Variants in ARHGEF10 observed in about 807,000 individuals in gnomAD.
The protein encoded by ARHGEF10 is Rho guanine nucleotide exchange factor (GEF) 10.
A neutral mutation model predicts 147.4 loss-of-function variants in ARHGEF10; 140 were observed. The ratio of observed to expected loss-of-function variants is 0.95; its 90% CI spans 0.83 to 1.09. ARHGEF10 has a LOEUF of 1.09. ARHGEF10 is among the 50% of genes least tolerant of loss of function. ARHGEF10 has a pLI of 0.00. For missense variants in ARHGEF10, 2,222 were observed against 1,752.7 expected, an observed-to-expected ratio of 1.27 and a Z score of -4.78; for synonymous variants, 902 against 695.8, an observed-to-expected ratio of 1.30 and a Z score of -4.67.
chr8:1,871,965 G>A (rs752291767), intron 7 of ARHGEF10, among the ~76,000 whole-genome samples: 1 of 152,002 alleles, frequency 6.6e-6, no homozygotes. Flanking sequence ...GCAACATAAA[G>A]TATTAACAAA....
At position 1,896,322 on chromosome 8, in the gene ARHGEF10, C is replaced by T. The variant is rs1337617234; in HGVS notation, c.1441-11C>T. Reference sequence around the variant, plus strand: ...CTGTGATTTCTCTCTGAATTTCCTCCTGTGTTTCAGTTTTCTAAGTCCATG... The same window carrying T: ...CTGTGATTTCTCTCTGAATTTCCTCTTGTGTTTCAGTTTTCTAAGTCCATG... On this transcript the variant is annotated splice_polypyrimidine_tract_variant and intron_variant, in intron 13 of 28. Transcript: ENST00000349830. The T allele has an allele frequency of 3.8e-6, 6 of 1,589,238 alleles. No individual in the cohort carries two copies. Among genetic ancestry groups the T allele is most frequent in the African/African-American group, 1.3e-5 (1 of 74,422 alleles).
At chr8:1,922,591 C>A (rs562789816) in intron 18 of ARHGEF10, among the ~76,000 whole-genome samples, 1 of 152,080 alleles carries the variant, frequency 6.6e-6, no homozygotes, top group Non-Finnish European at 1.5e-5. Context: ...GAATCCGGGA[C>A]TAGGAAATGA....
chr8:1,875,550 C>T (rs7841942), intron 7 of ARHGEF10, among the ~76,000 whole-genome samples: 94,697 of 152,102 alleles, frequency 0.62, 30,128 homozygotes, highest in East Asian at 0.95. Flanking sequence ...GTCCGTGGCA[C>T]ACAGAACACA....
At chr8:1,952,123 C>A (rs1297590476) in intron 27 of ARHGEF10, among the ~76,000 whole-genome samples, 1 of 152,242 alleles carries the variant, frequency 6.6e-6, no homozygotes, top group African/African-American at 2.4e-5. Flanking sequence ...TCTCACCCCA[C>A]CATCCACCGT....
chr8:1,834,826 C>G (rs572349141), intron 1 of ARHGEF10, among the ~76,000 whole-genome samples: 3 of 152,196 alleles, frequency 2.0e-5, no homozygotes, highest in Admixed American at 2.0e-4. Flanking sequence ...AATGCCGGGG[C>G]CACAGGGGTT....
intron 26 of ARHGEF10, among the ~76,000 whole-genome samples, chr8:1,934,852 T>C (rs1442140924): frequency 6.6e-6 from 1 of 152,232 alleles, no homozygotes; most frequent in African/African-American, 2.4e-5. Flanking sequence ...TAATAACTTT[T>C]TTCACATTGA....
rs775237670 is a variant in ARHGEF10 at position 1,909,450 on chromosome 8, T to G, written c.2123T>G (p.Val708Gly). 6.2e-7 allele frequency: 1 copy of G among 1,614,086 alleles called. No homozygotes were observed. The highest frequency in any genetic ancestry group is 8.5e-7 in the Non-Finnish European group (1 of 1,180,032). The change falls in exon 18 of 29, where the codon GTG becomes GGG. Residue 708 changes from valine to glycine, a missense_variant. Coordinates refer to ENST00000349830, the MANE Select transcript of ARHGEF10 (RefSeq NM_014629.4). ...LAVHPPESLA[V>G]VANAKPNKVY... is the part of the protein sequence containing the mutation. ...GTTCACCCGCCGGAGAGCCTGGCCG[T>G]GGTTGCTAACGCGAAACCAAGTAAG...
intron 16 of ARHGEF10, among the ~76,000 whole-genome samples, 157 bp from the exon 17 acceptor site, chr8:1,905,414 C>T (rs967511277): frequency 1.3e-5 from 2 of 152,122 alleles, no homozygotes; most frequent in South Asian, 2.1e-4. Flanking sequence ...AGGAAGGAGG[C>T]GGATGTTCAG....
chr8:1,837,176 C>T (rs888045426), intron 1 of ARHGEF10, among the ~76,000 whole-genome samples: 1 of 152,214 alleles, frequency 6.6e-6, no homozygotes, highest in Non-Finnish European at 1.5e-5. Flanking sequence ...GGTCAGGATG[C>T]CGGTGGTAGG....
At position 1,909,318 on chromosome 8, in the gene ARHGEF10, T is replaced by C. The variant is rs34319003; in HGVS notation, c.1991T>C (p.Met664Thr). Residue 664 changes from methionine to threonine, a missense_variant, in exon 18 of 29, where the codon ATG becomes ACG. By Grantham distance (81) the Met-to-Thr change is moderately conservative. Coordinates refer to ENST00000349830, the MANE Select transcript of ARHGEF10 (RefSeq NM_014629.4). ...SSRPSHDSRV[M>T]SSQRYLLKWS... ...AGCCCCTCTCATGACAGCCGTGTGA[T>C]GAGCAGCCAGAGGTACTTGCTGAAG... 2,164 of 1,614,234 alleles carry C rather than the reference T, an allele frequency of 1.3e-3. 23 individuals carry two copies. In the African/African-American group the frequency reaches 0.024, roughly 18 times the overall value.
At chr8:1,923,231 G>C in intron 19 of ARHGEF10, 152 bp downstream of exon 19, 1 of 848,218 alleles carries the variant, frequency 1.2e-6, no homozygotes, top group Non-Finnish European at 1.8e-6. Context: ...GTTAGATAAG[G>C]TGAGACTATT....
At chr8:1,830,921 GC>G (rs1240456410) in intron 1 of ARHGEF10, among the ~76,000 whole-genome samples, 1 of 152,236 alleles carries the variant, frequency 6.6e-6, no homozygotes, top group African/African-American at 2.4e-5. Context: ...GTCCACAGAA[GC>G]CCATTCCCAG....
chr8:1,839,553 G>C (rs1037132772), intron 1 of ARHGEF10, among the ~76,000 whole-genome samples: 4 of 141,372 alleles, frequency 2.8e-5, no homozygotes, highest in African/African-American at 1.1e-4. Context: ...TGTGGAAGCT[G>C]TCTGGTGTGG....
In ARHGEF10 at chr8:1,909,324, G is replaced by A. The variant is rs781482865; in HGVS notation, c.1997G>A (p.Ser666Asn). ...TCTCATGACAGCCGTGTGATGAGCA[G>A]CCAGAGGTACTTGCTGAAGTGGAGC... ...RPSHDSRVMS[S>N]QRYLLKWSVP... The change falls in exon 18 of 29, where the codon AGC (serine) becomes AAC (asparagine). Residue 666 changes from serine (S) to asparagine (N), a missense_variant. Coordinates refer to ENST00000349830, the MANE Select transcript of ARHGEF10 (RefSeq NM_014629.4). The A allele has an allele frequency of 1.9e-6, 3 of 1,614,124 alleles. No homozygotes were observed. In the East Asian group the frequency reaches 6.7e-5, roughly 36 times the overall value.
chr8:1,868,826 G>A (rs953907920), intron 6 of ARHGEF10, among the ~76,000 whole-genome samples: 6 of 152,142 alleles, frequency 3.9e-5, no homozygotes, highest in African/African-American at 1.4e-4. Flanking sequence ...ATACTCGTCA[G>A]AGAGCCATAT....
At chr8:1,934,567 G>C (rs1813419922) in intron 26 of ARHGEF10, among the ~76,000 whole-genome samples, 1 of 152,184 alleles carries the variant, frequency 6.6e-6, no homozygotes, top group African/African-American at 2.4e-5. Flanking sequence ...GCATTTGATT[G>C]AGGTGACATT....
At chr8:1,910,877 T>G (rs1220163029) in intron 18 of ARHGEF10, among the ~76,000 whole-genome samples, 1 of 152,216 alleles carries the variant, frequency 6.6e-6, no homozygotes, top group African/African-American at 2.4e-5. Context: ...GTGACTTTGA[T>G]CCATAAAATA....
chr8:1,862,101 C>T (rs1039844837), intron 4 of ARHGEF10, among the ~76,000 whole-genome samples: 1 of 152,206 alleles, frequency 6.6e-6, no homozygotes, highest in East Asian at 1.9e-4. Context: ...GGGATGTGAA[C>T]GCAGACCTCC....
rs1264743645 is a variant in ARHGEF10 at position 1,948,079 on chromosome 8, T to G, written c.3397+2424T>G. On this transcript the variant is annotated intron_variant, in intron 27 of 28. Coordinates refer to ENST00000349830, the MANE Select transcript of ARHGEF10 (RefSeq NM_014629.4). The surrounding 1 kb of genome is among the most constrained non-coding windows in gnomAD (Gnocchi z 4.9). Reference sequence around the variant, plus strand: ...GGGCGCTGAGCCTTCCTTGGGACTTTTCACCCTTCAGCTCATAGTTTCCAG... The same window carrying G: ...GGGCGCTGAGCCTTCCTTGGGACTTGTCACCCTTCAGCTCATAGTTTCCAG... Among the ~76,000 whole-genome samples the G allele has an allele frequency of 6.6e-6, 1 of 152,040 alleles. No individual in the cohort carries two copies. Among genetic ancestry groups the G allele is most frequent in the East Asian group, 2.0e-4 (1 of 5,122 alleles).
Sources: allele counts gnomAD v4.1 joint callset (sites outside exome capture counted in the v4.1 genomes callset), GRCh38; gene constraint gnomAD v4.1.1; non-coding constraint Gnocchi (gnomAD v3.1); transcripts MANE v1.5; gene names NCBI Gene and HGNC (gene_info 2026-07-23, HGNC 2026-07-21).